ACBD6: variants seen among roughly 807,000 people sequenced by gnomAD.
ACBD6 encodes the protein acyl-CoA binding domain containing 6.
In ACBD6, 28 loss-of-function variants were observed where a neutral mutation model predicts 37.2. That is an observed-to-expected ratio of 0.75 (90% CI 0.56 to 1.03). ACBD6 has a LOEUF of 1.03. Among genes scored for constraint, ACBD6 ranks in the 50% least tolerant of loss-of-function variants. ACBD6 has a pLI of 0.00. For synonymous variants in ACBD6, 113 were observed against 126.8 expected, an observed-to-expected ratio of 0.89 and a Z score of 0.73; for missense variants, 340 against 337.4, an observed-to-expected ratio of 1.01 and a Z score of -0.06.
intron 6 of ACBD6, among the ~76,000 whole-genome samples, chr1:180,388,195 AAAAG>A (rs911818715): frequency 5.9e-5 from 9 of 151,956 alleles, no homozygotes; most frequent in Admixed American, 2.0e-4. Flanking sequence ...AAAAAAAAGA[AAAAG>A]AAAACCCAGA....
At chr1:180,402,559 C>G (rs1647414805) in intron 5 of ACBD6, among the ~76,000 whole-genome samples, 1 of 152,026 alleles carries the variant, frequency 6.6e-6, no homozygotes, top group Non-Finnish European at 1.5e-5. Context: ...TGGCTCATGC[C>G]CATAGTCCCA....
intron 6 of ACBD6, among the ~76,000 whole-genome samples, chr1:180,360,981 A>AG (rs1652824907): frequency 1.3e-5 from 2 of 152,126 alleles, no homozygotes; most frequent in South Asian, 4.1e-4. Flanking sequence ...CATCACGCAA[A>AG]GGGGGGTCAG....
chr1:180,344,023 GAC>G (rs1365125439), intron 6 of ACBD6, among the ~76,000 whole-genome samples: 2 of 152,162 alleles, frequency 1.3e-5, no homozygotes, highest in Non-Finnish European at 2.9e-5. Flanking sequence ...GACCATATTA[GAC>G]ACATTGTGAC....
intron 6 of ACBD6, among the ~76,000 whole-genome samples, chr1:180,396,412 A>G (rs775615427): frequency 2.6e-5 from 4 of 152,172 alleles, no homozygotes; most frequent in Non-Finnish European, 5.9e-5. Flanking sequence ...AAAGTATGAC[A>G]CCATAAACAA....
chr1:180,338,693 A>G (rs1356653656), intron 6 of ACBD6, among the ~76,000 whole-genome samples: 1 of 152,214 alleles, frequency 6.6e-6, no homozygotes, highest in African/African-American at 2.4e-5. Flanking sequence ...CTAATTAAAA[A>G]CTAAAGAGCT....
chr1:180,274,351 C>G (rs1354197690), intron 10 of ACBD6: 1 of 1,614,226 alleles, frequency 6.2e-7, no homozygotes, highest in Admixed American at 1.7e-5. Flanking sequence ...AGTCTCCATC[C>G]TCCATATCGT....
At chr1:180,431,948 A>G (rs966283667) in intron 3 of ACBD6, among the ~76,000 whole-genome samples, 3 of 152,180 alleles carry the variant, frequency 2.0e-5, no homozygotes, top group African/African-American at 7.2e-5. Context: ...GCTCACACCT[A>G]TAATCCCTGC....
At chr1:180,360,322 C>A (rs1290255923) in intron 6 of ACBD6, among the ~76,000 whole-genome samples, 1 of 152,154 alleles carries the variant, frequency 6.6e-6, no homozygotes. Flanking sequence ...ACATTTTTCA[C>A]CTATTAGGAT....
At chr1:180,363,233 G>A (rs781582463) in intron 6 of ACBD6, among the ~76,000 whole-genome samples, 4 of 152,072 alleles carry the variant, frequency 2.6e-5, no homozygotes, top group Non-Finnish European at 2.9e-5. Context: ...TTTGTACCTC[G>A]TTGAAGTTTT....
intron 4 of ACBD6, among the ~76,000 whole-genome samples, chr1:180,419,415 T>C (rs1225297174): frequency 6.6e-6 from 1 of 152,232 alleles, no homozygotes; most frequent in Admixed American, 6.5e-5. Flanking sequence ...GGCATGTTTT[T>C]CTTATAATGG....
chr1:180,488,635 T>C (rs1236296343), intron 3 of ACBD6, among the ~76,000 whole-genome samples: 4 of 151,984 alleles, frequency 2.6e-5, no homozygotes. Context: ...AGTGCAGTGG[T>C]GCAATCATAG....
intron 7 of ACBD6, among the ~76,000 whole-genome samples, chr1:180,289,203 C>G (rs1376167139): frequency 2.6e-5 from 4 of 152,280 alleles, no homozygotes; most frequent in African/African-American, 9.6e-5. Flanking sequence ...ATCTATTCTT[C>G]TGCACACATA....
At chr1:180,335,409 C>A (rs564002699) in intron 6 of ACBD6, among the ~76,000 whole-genome samples, 1 of 152,224 alleles carries the variant, frequency 6.6e-6, no homozygotes, top group Non-Finnish European at 1.5e-5. Flanking sequence ...TCCAGCCAAA[C>A]TAAGCTTCAT....
chr1:180,296,922 C>G (rs867143619), intron 7 of ACBD6, among the ~76,000 whole-genome samples: 2 of 151,878 alleles, frequency 1.3e-5, no homozygotes, highest in Admixed American at 1.3e-4. Context: ...GTCAGGAGAT[C>G]GAAACCATCC....
intron 6 of ACBD6, among the ~76,000 whole-genome samples, chr1:180,343,716 T>C (rs886461493): frequency 3.9e-5 from 6 of 152,174 alleles, no homozygotes; most frequent in African/African-American, 7.2e-5. Flanking sequence ...ATTTCTTTTA[T>C]CCTTTGTATC....
At chr1:180,442,324 T>G (rs1649314568) in intron 3 of ACBD6, among the ~76,000 whole-genome samples, 1 of 152,132 alleles carries the variant, frequency 6.6e-6, no homozygotes, top group Admixed American at 6.5e-5. Flanking sequence ...CCACAGATAT[T>G]TGGCATGTCT....
intron 8 of ACBD6, among the ~76,000 whole-genome samples, chr1:180,281,655 G>A (rs1649311389): frequency 6.6e-6 from 1 of 152,164 alleles, no homozygotes; most frequent in South Asian, 2.1e-4. Flanking sequence ...GCCTGGCTGT[G>A]CAGGGAGCAC....
At chr1:180,497,901 T>C (rs1651799963) in intron 1 of ACBD6, among the ~76,000 whole-genome samples, 1 of 151,636 alleles carries the variant, frequency 6.6e-6, no homozygotes, top group South Asian at 2.1e-4. Context: ...TATTCTTCTT[T>C]GATACTATGC....
chr1:180,430,493 GC>G (rs1457459464), intron 3 of ACBD6, among the ~76,000 whole-genome samples: 1 of 152,096 alleles, frequency 6.6e-6, no homozygotes, highest in Non-Finnish European at 1.5e-5. Flanking sequence ...TTCCAGTACA[GC>G]CTTCTGGAGC....
Sources: gnomAD v4.1 joint callset for allele counts (sites outside exome capture counted in the v4.1 genomes callset) on GRCh38, gnomAD v4.1.1 for gene constraint, MANE v1.5 for transcripts, NCBI Gene and HGNC (gene_info 2026-07-23, HGNC 2026-07-21) for gene names.